The following TEC variants were observed in gnomAD, a reference collection of about 807,000 sequenced individuals.
TEC encodes tyrosine-protein kinase Tec.
In TEC, 72 loss-of-function variants were observed where a neutral mutation model predicts 93.0. The ratio of observed to expected loss-of-function variants is 0.77; its 90% CI spans 0.64 to 0.94. The LOEUF is 0.94. TEC is among the 40% of genes least tolerant of loss of function. TEC has a pLI of 0.00. For synonymous variants in TEC, 249 were observed against 247.7 expected (o/e 1.01, Z -0.05); for missense variants, 630 against 757.9 (o/e 0.83, Z 1.98).
At chr4:48,170,752 G>A (rs1298869418) in intron 4 of TEC, among the ~76,000 whole-genome samples, 1 of 152,160 alleles carries the variant, frequency 6.6e-6, no homozygotes, top group Non-Finnish European at 1.5e-5. Flanking sequence ...CACTTTGTTA[G>A]AAAATACCAA....
chr4:48,164,052 G>A (rs1344341926), intron 7 of TEC, among the ~76,000 whole-genome samples: 1 of 152,092 alleles, frequency 6.6e-6, no homozygotes, highest in African/African-American at 2.4e-5. Context: ...TTTCCCAAAG[G>A]TCCTAAAGTT....
chr4:48,212,113 AT>A (rs1436347762), intron 2 of TEC, among the ~76,000 whole-genome samples: 9,314 of 81,144 alleles, frequency 0.11, 452 homozygotes, highest in East Asian at 0.33. Flanking sequence ...AAAAAAAAAT[AT>A]ATATATATAT....
chr4:48,198,777 A>G (rs1310780255), intron 2 of TEC, among the ~76,000 whole-genome samples: 1 of 152,198 alleles, frequency 6.6e-6, no homozygotes, highest in Non-Finnish European at 1.5e-5. Context: ...CCTTCACACA[A>G]TAGAAGTATA....
At chr4:48,158,884 C>G (rs1367941820) in intron 8 of TEC, among the ~76,000 whole-genome samples, 4 of 152,068 alleles carry the variant, frequency 2.6e-5, no homozygotes, top group African/African-American at 7.2e-5. Flanking sequence ...GGCAAGTTCC[C>G]TGGAAAGGAT....
At chr4:48,267,746 G>A (rs564241933) in intron 1 of TEC, among the ~76,000 whole-genome samples, 2 of 152,274 alleles carry the variant, frequency 1.3e-5, no homozygotes, top group African/African-American at 2.4e-5. Context: ...GCACCATGCT[G>A]AAGATCAACA....
At chr4:48,249,604 A>G (rs1296399987) in intron 1 of TEC, among the ~76,000 whole-genome samples, 1 of 152,254 alleles carries the variant, frequency 6.6e-6, no homozygotes, top group East Asian at 1.9e-4. Flanking sequence ...ACAGTCCCAA[A>G]GACCTATGGC....
intron 1 of TEC, among the ~76,000 whole-genome samples, chr4:48,231,649 C>T (rs754533462): frequency 2.0e-5 from 3 of 151,726 alleles, no homozygotes; most frequent in Non-Finnish European, 4.4e-5. Context: ...CCCAGCTACT[C>T]GGGAAGCTGA....
intron 1 of TEC, among the ~76,000 whole-genome samples, chr4:48,232,275 C>T (rs533682734): frequency 2.7e-5 from 4 of 149,686 alleles, no homozygotes; most frequent in Admixed American, 6.6e-5. Flanking sequence ...AGTGACAGGG[C>T]AAGACTCTGT....
At chr4:48,246,310 G>A (rs570116527) in intron 1 of TEC, among the ~76,000 whole-genome samples, 2 of 152,208 alleles carry the variant, frequency 1.3e-5, no homozygotes, top group South Asian at 2.1e-4. Context: ...TCCCACATTC[G>A]TGGATGAAAG....
intron 2 of TEC, among the ~76,000 whole-genome samples, chr4:48,201,686 G>C (rs571077902): frequency 3.9e-4 from 60 of 152,322 alleles, no homozygotes; most frequent in African/African-American, 1.4e-3. Flanking sequence ...AGAGGAGCAT[G>C]ACAGACAGCC....
At chr4:48,205,642 T>G (rs1479558651) in intron 2 of TEC, among the ~76,000 whole-genome samples, 2 of 145,662 alleles carry the variant, frequency 1.4e-5, no homozygotes, top group African/African-American at 2.4e-5. Flanking sequence ...AAAACCACAA[T>G]GAGATACCAC....
chr4:48,149,631 T>C lies in TEC; in HGVS notation c.932A>G (p.Lys311Arg). The change falls in exon 11 of 18, where the codon AAG becomes AGG. Residue 311 changes from lysine (K) to arginine (R), a missense_variant. By Grantham distance (26) the Lys-to-Arg change is conservative (BLOSUM62 2). This residue lies in a region of TEC where 335 missense variants were observed against 351.5 expected (regional missense o/e 0.95). Coordinates refer to ENST00000381501, the MANE Select transcript of TEC (RefSeq NM_003215.3). ...HIKETTTSPK[K>R]YYLAEKHAFG... ...AGCATGTTTTTCAGCTAGGTAATAC[T>C]TCTTTGGAGATGTTGTTGTTTCCTT... The C allele has an allele frequency of 6.2e-7, 1 of 1,612,672 alleles. No individual in the cohort carries two copies. Among genetic ancestry groups the C allele is most frequent in the Non-Finnish European group, 8.5e-7 (1 of 1,179,496 alleles).
At chr4:48,168,726 T>G in intron 5 of TEC, 100 bp from the exon 6 acceptor site, 1 of 1,278,628 alleles carries the variant, frequency 7.8e-7, no homozygotes, top group East Asian at 2.4e-5. Context: ...AGTTAACACA[T>G]AGACAAGCAG....
intron 2 of TEC, among the ~76,000 whole-genome samples, chr4:48,177,345 T>C (rs561284099): frequency 7.2e-5 from 11 of 152,246 alleles, no homozygotes; most frequent in African/African-American, 2.7e-4. Flanking sequence ...TAGGTATTCA[T>C]ATGACAAAGA....
chr4:48,204,141 T>C (rs1033556629), intron 2 of TEC, among the ~76,000 whole-genome samples: 2 of 152,234 alleles, frequency 1.3e-5, no homozygotes, highest in African/African-American at 4.8e-5. Context: ...GACTGGCATC[T>C]GGAAACTTGA....
chr4:48,255,544 C>T (rs555493901), intron 1 of TEC, among the ~76,000 whole-genome samples: 64 of 152,284 alleles, frequency 4.2e-4, no homozygotes, highest in African/African-American at 1.3e-3. Context: ...CACTACAGCA[C>T]AGTCACTTGT....
Position 48,137,342 on chromosome 4 carries a change from C to A in TEC, c.*74G>T. On this transcript the variant is annotated 3_prime_UTR_variant, in exon 18 of 18. Transcript: ENST00000381501. ...AAAATGATCTACATGTCCAAGTGCTCAATAAATTAAAAGCCACAAAATGCC... is the reference window on the plus strand; with the variant it reads ...AAAATGATCTACATGTCCAAGTGCTAAATAAATTAAAAGCCACAAAATGCC... 1 of 1,216,394 alleles carries A rather than the reference C, an allele frequency of 8.2e-7. No homozygotes were observed. Among genetic ancestry groups the A allele is most frequent in the Non-Finnish European group, 1.2e-6 (1 of 832,482 alleles). The allele number at this position is 1,216,394 out of a possible 1,614,324, so 75.4% of individuals were successfully genotyped here.
chr4:48,144,851 A>C (rs1175845869), intron 14 of TEC, among the ~76,000 whole-genome samples: 1 of 152,220 alleles, frequency 6.6e-6, no homozygotes, highest in Non-Finnish European at 1.5e-5. Flanking sequence ...GAGATCGAAA[A>C]ATTAAAACAT....
At chr4:48,195,535 G>A (rs1221459800) in intron 2 of TEC, among the ~76,000 whole-genome samples, 2 of 152,166 alleles carry the variant, frequency 1.3e-5, no homozygotes, top group African/African-American at 2.4e-5. Context: ...TGCTCGTACA[G>A]GTCGTGTGTG....
Sources: gnomAD v4.1 joint callset for allele counts (sites outside exome capture counted in the v4.1 genomes callset) on GRCh38, gnomAD v4.1.1 for gene constraint, gnomAD v4.1.1 regional missense constraint, MANE v1.5 for transcripts, NCBI Gene and HGNC (gene_info 2026-07-23, HGNC 2026-07-21) for gene names.